The following NDUFAF6 variants were observed in gnomAD, a reference collection of about 807,000 sequenced individuals.
The protein encoded by NDUFAF6 is NADH dehydrogenase (ubiquinone) complex I, assembly factor 6.
NDUFAF6 carries 45 observed loss-of-function variants against 40.8 expected under a neutral mutation model. The observed-to-expected ratio is 1.10, with a 90% CI of 0.87 to 1.42. The LOEUF (loss-of-function observed/expected upper bound fraction) is 1.42, where lower values mean the gene tolerates loss of function less well. Among genes scored for constraint, NDUFAF6 ranks in the 40% most tolerant of loss-of-function variants. The pLI is 0.00. For synonymous variants in NDUFAF6, 185 were observed against 155.9 expected, an observed-to-expected ratio of 1.19 and a Z score of -1.39; for missense variants, 435 against 418.5, an observed-to-expected ratio of 1.04 and a Z score of -0.34.
At chr8:95,099,561 C>T (rs959522335), upstream of NDUFAF6, among the ~76,000 whole-genome samples, 2 of 149,852 alleles carry the variant, frequency 1.3e-5, no homozygotes, top group African/African-American at 5.0e-5. Flanking sequence ...GCCTGGGCAA[C>T]ATAGCAAGAG....
chr8:94,937,079 C>T (rs985248733), intron 1 of NDUFAF6, among the ~76,000 whole-genome samples: 4 of 152,078 alleles, frequency 2.6e-5, no homozygotes, highest in African/African-American at 9.7e-5. Context: ...ATGGAAGATG[C>T]AAATGCTCAG....
intron 5 of NDUFAF6, among the ~76,000 whole-genome samples, chr8:95,046,378 T>C (rs1453633115): frequency 2.6e-5 from 4 of 152,220 alleles, no homozygotes; most frequent in African/African-American, 9.6e-5. Context: ...TTGAGATTTT[T>C]CTTTCTCTGC....
intron 1 of NDUFAF6, among the ~76,000 whole-genome samples, chr8:94,902,744 G>A (rs910603547): frequency 7.2e-6 from 1 of 138,550 alleles, no homozygotes; most frequent in Non-Finnish European, 1.5e-5. Flanking sequence ...CCCCCAGGCT[G>A]GAGTGCAGGG....
chr8:95,071,283 A>G (rs1832845930), intron 9 of NDUFAF6, among the ~76,000 whole-genome samples: 2 of 151,334 alleles, frequency 1.3e-5, no homozygotes, highest in Non-Finnish European at 3.0e-5. Flanking sequence ...CTGTAGTCCC[A>G]GCTACTCGGG....
In NDUFAF6 at chr8:95,058,262, G is replaced by C; in HGVS notation, c.*325G>C. 1 of 1,308,128 alleles carries C rather than the reference G, an allele frequency of 7.6e-7. No individual in the cohort carries two copies. Among genetic ancestry groups the C allele is most frequent in the Non-Finnish European group, 9.7e-7 (1 of 1,033,710 alleles). The allele number at this position is 1,308,128 out of a possible 1,614,324, so 81.0% of individuals were successfully genotyped here. On this transcript the variant is annotated 3_prime_UTR_variant, in exon 9 of 9. Coordinates refer to ENST00000396124, the MANE Select transcript of NDUFAF6 (RefSeq NM_152416.4). Reference sequence around the variant, plus strand: ...GAGCCAGTGGGCAGGGAGAAGGAATGTCATTCTCCCTTCACCACTGGGGAA... The same window carrying C: ...GAGCCAGTGGGCAGGGAGAAGGAATCTCATTCTCCCTTCACCACTGGGGAA...
upstream of NDUFAF6, among the ~76,000 whole-genome samples, chr8:94,956,868 G>A (rs1823121305): frequency 6.6e-6 from 1 of 152,074 alleles, no homozygotes; most frequent in South Asian, 2.1e-4. Flanking sequence ...TGTGAATAAT[G>A]ATACTATTAA....
chr8:94,965,131 GA>G (rs1823905720), intron 1 of NDUFAF6, among the ~76,000 whole-genome samples: 2 of 152,242 alleles, frequency 1.3e-5, no homozygotes, highest in African/African-American at 4.8e-5. Context: ...AGTCGGCCCT[GA>G]GGCTGAGAAC....
chr8:95,068,784 A>G (rs1262825978), intron 9 of NDUFAF6: 1 of 151,850 alleles, frequency 6.6e-6, no homozygotes, highest in Non-Finnish European at 1.5e-5. Flanking sequence ...ATTCATTGCC[A>G]AACTTTCTGC....
At chr8:95,039,463 AG>A (rs113537333) in intron 3 of NDUFAF6, among the ~76,000 whole-genome samples, 1 of 149,068 alleles carries the variant, frequency 6.7e-6, no homozygotes, top group Admixed American at 6.6e-5. Context: ...AAAAAAAAAA[AG>A]GGGGGGTTTC....
At chr8:95,023,925 A>T (rs750223044), upstream of NDUFAF6, among the ~76,000 whole-genome samples, 31 of 151,210 alleles carry the variant, frequency 2.1e-4, no homozygotes, top group Non-Finnish European at 4.6e-4. Context: ...CGGGAGGCGG[A>T]GGTTGCAGTG....
intron 2 of NDUFAF6, among the ~76,000 whole-genome samples, chr8:94,945,925 C>T (rs1421738256): frequency 2.0e-5 from 3 of 152,194 alleles, no homozygotes; most frequent in African/African-American, 7.2e-5. Context: ...TTCAAGAAGG[C>T]AGCTTTGTCC....
At chr8:95,025,592 T>C (rs1828014613) in intron 1 of NDUFAF6, among the ~76,000 whole-genome samples, 1 of 152,212 alleles carries the variant, frequency 6.6e-6, no homozygotes, top group Admixed American at 6.5e-5. Flanking sequence ...TTACGAGTAA[T>C]TAGTCTTCAT....
At chr8:95,068,173 G>A (rs1427518175) in intron 9 of NDUFAF6, 1 of 151,840 alleles carries the variant, frequency 6.6e-6, no homozygotes, top group Non-Finnish European at 1.5e-5. Flanking sequence ...TCATCACCAG[G>A]TTGTTCCTTG....
chr8:94,897,592 A>G (rs1817720147), intron 1 of NDUFAF6, among the ~76,000 whole-genome samples: 1 of 151,476 alleles, frequency 6.6e-6, no homozygotes, highest in Non-Finnish European at 1.5e-5. Flanking sequence ...TGGGGTAACT[A>G]TTTTGATTGC....
At position 94,991,901 on chromosome 8, in the gene NDUFAF6, A is replaced by G. The variant is rs74666276; in HGVS notation, c.-84+10928A>G. ...TCGGAAGACATTTGGATTATTTCCA[A>G]ATATTTCCTACAACAAATAAAGCTG... On this transcript the variant is annotated intron_variant, in intron 2 of 9. Coordinates refer to the NDUFAF6 transcript ENST00000396111. Among the ~76,000 whole-genome samples, 204 of 151,988 alleles carry G rather than the reference A, an allele frequency of 1.3e-3. 2 individuals carry two copies. Among genetic ancestry groups the G allele is most frequent in the African/African-American group, 4.7e-3 (194 of 41,450 alleles).
chr8:95,088,318 C>T (rs138568350), intron 2 of NDUFAF6, among the ~76,000 whole-genome samples: 35 of 152,300 alleles, frequency 2.3e-4, no homozygotes, highest in African/African-American at 7.5e-4. Context: ...GTGAGGCTGC[C>T]CTTGTCCACT....
intron 1 of NDUFAF6, chr8:94,927,108 T>C (rs1218252648): frequency 6.6e-6 from 1 of 152,614 alleles, no homozygotes; most frequent in Non-Finnish European, 1.5e-5. Context: ...TGAAAACTAA[T>C]ATGTGGAAAC....
At chr8:95,075,719 A>G (rs768874912) in exon 10 of NDUFAF6, 2 of 1,287,710 alleles carry the variant, frequency 1.6e-6, no homozygotes, top group South Asian at 2.5e-5. Context: ...AGAGATTTGA[A>G]GGACTCTGGT....
intron 1 of NDUFAF6, among the ~76,000 whole-genome samples, chr8:94,915,094 C>T (rs1249852149): frequency 3.3e-5 from 5 of 151,922 alleles, no homozygotes; most frequent in African/African-American, 1.2e-4. Flanking sequence ...TTTTGGAGTC[C>T]CCAGTGTCTG....
Sources: gnomAD v4.1 joint callset for allele counts (sites outside exome capture counted in the v4.1 genomes callset) on GRCh38, gnomAD v4.1.1 for gene constraint, MANE v1.5 for transcripts, NCBI Gene and HGNC (gene_info 2026-07-23, HGNC 2026-07-21) for gene names.